Variants in SLC24A2 observed in about 807,000 individuals in gnomAD.
The protein encoded by SLC24A2 is solute carrier family 24 member 2.
SLC24A2 carries 36 observed loss-of-function variants against 62.0 expected under a neutral mutation model. That is an observed-to-expected ratio of 0.58 (90% CI 0.44 to 0.77). SLC24A2 has a LOEUF of 0.77. Ranked by LOEUF, SLC24A2 falls within the 30% of genes least tolerant of loss-of-function variation. SLC24A2 has a pLI of 0.00. For missense variants in SLC24A2, 846 were observed against 817.9 expected (o/e 1.03, Z -0.42); for synonymous variants, 358 against 294.0 (o/e 1.22, Z -2.23).
At chr9:19,550,022 G>A (rs900531344) in intron 8 of SLC24A2, 115 bp downstream of exon 8, 1 of 1,072,352 alleles carries the variant, frequency 9.3e-7, no homozygotes. Flanking sequence ...GTATATGTGA[G>A]ATTTTGATAC....
chr9:20,296,154 T>C, the SLC24A2 span, among the ~76,000 whole-genome samples: 4 of 152,204 alleles, frequency 2.6e-5, no homozygotes, highest in African/African-American at 4.8e-5. Flanking sequence ...AGCCAAGCAA[T>C]ATCCAGACTC....
At chr9:19,764,058 G>C (rs1036617870) in intron 2 of SLC24A2, among the ~76,000 whole-genome samples, 1 of 152,110 alleles carries the variant, frequency 6.6e-6, no homozygotes, top group Admixed American at 6.5e-5. Flanking sequence ...TATGTGTCCA[G>C]GAATTTATCC....
intron 4 of SLC24A2, among the ~76,000 whole-genome samples, chr9:19,600,954 T>A (rs1418369208): frequency 3.3e-5 from 5 of 152,190 alleles, no homozygotes; most frequent in African/African-American, 1.2e-4. Flanking sequence ...TTATGAGTAT[T>A]GTTTTGAGAA....
intron 2 of SLC24A2, among the ~76,000 whole-genome samples, chr9:19,641,108 A>T (rs1818480982): frequency 6.6e-6 from 1 of 152,222 alleles, no homozygotes; most frequent in Admixed American, 6.5e-5. Flanking sequence ...AGACCAAGTC[A>T]CCAAAGACCA....
At chr9:19,983,499 C>T in the SLC24A2 span, among the ~76,000 whole-genome samples, 3 of 151,998 alleles carry the variant, frequency 2.0e-5, no homozygotes, top group Non-Finnish European at 2.9e-5. Context: ...AAAAATTACC[C>T]GGGCATGGTG....
chr9:20,258,891 T>A, the SLC24A2 span, among the ~76,000 whole-genome samples: 1 of 151,690 alleles, frequency 6.6e-6, no homozygotes, highest in African/African-American at 2.4e-5. Context: ...CATCCATCCA[T>A]CCATCCATGC....
At chr9:19,852,047 A>G in the SLC24A2 span, among the ~76,000 whole-genome samples, 2 of 152,050 alleles carry the variant, frequency 1.3e-5, no homozygotes, top group Admixed American at 1.3e-4. Flanking sequence ...ATAGTATCTC[A>G]TTGTGGTTTT....
At chr9:20,035,908 TA>T in the SLC24A2 span, among the ~76,000 whole-genome samples, 1 of 152,232 alleles carries the variant, frequency 6.6e-6, no homozygotes, top group Non-Finnish European at 1.5e-5. Context: ...GCAGAACAGT[TA>T]TTCTTTGCCT....
At chr9:20,241,237 T>C in the SLC24A2 span, among the ~76,000 whole-genome samples, 1 of 152,214 alleles carries the variant, frequency 6.6e-6, no homozygotes, top group Non-Finnish European at 1.5e-5. Context: ...ATTACTCCCA[T>C]AGACTTATAT....
the SLC24A2 span, among the ~76,000 whole-genome samples, chr9:20,235,421 T>A: frequency 5.3e-5 from 8 of 152,212 alleles, no homozygotes; most frequent in Non-Finnish European, 1.5e-5. Flanking sequence ...AACAGCTAAC[T>A]CGGCAATGGC....
chr9:20,160,449 T>C, the SLC24A2 span, among the ~76,000 whole-genome samples: 2 of 151,388 alleles, frequency 1.3e-5, no homozygotes, highest in African/African-American at 4.8e-5. Flanking sequence ...ATCATAAATA[T>C]ATGTCAAGCA....
chr9:20,064,797 C>T, the SLC24A2 span, among the ~76,000 whole-genome samples: 1,885 of 152,256 alleles, frequency 0.012, 50 homozygotes, highest in African/African-American at 0.043. Context: ...GAATAAAAGG[C>T]ATACAATATG....
At chr9:20,236,536 G>C in the SLC24A2 span, among the ~76,000 whole-genome samples, 1 of 152,072 alleles carries the variant, frequency 6.6e-6, no homozygotes, top group Non-Finnish European at 1.5e-5. Flanking sequence ...TCTGTCGAAG[G>C]GATGTCTATT....
intron 8 of SLC24A2, among the ~76,000 whole-genome samples, chr9:19,530,654 A>G (rs1445376182): frequency 6.6e-6 from 1 of 152,218 alleles, no homozygotes; most frequent in Middle Eastern, 3.2e-3. Context: ...ACTAAATTCA[A>G]ATCAACATAC....
the SLC24A2 span, among the ~76,000 whole-genome samples, chr9:20,142,912 G>A: frequency 2.6e-5 from 4 of 152,146 alleles, no homozygotes; most frequent in South Asian, 6.2e-4. Context: ...TGTCTTATAC[G>A]ACCTGAAGAA....
At chr9:19,749,103 G>A (rs1247322146) in intron 2 of SLC24A2, among the ~76,000 whole-genome samples, 1 of 148,400 alleles carries the variant, frequency 6.7e-6, no homozygotes. Context: ...TCTAGATACC[G>A]ACCCAAGTTA....
intron 10 of SLC24A2, among the ~76,000 whole-genome samples, chr9:19,518,862 G>A (rs186779166): frequency 5.2e-4 from 79 of 152,218 alleles, no homozygotes; most frequent in Admixed American, 1.4e-3. Flanking sequence ...GTTGTCAGCT[G>A]GTATAAATTC....
At chr9:19,637,204 AT>A (rs1818380795) in intron 2 of SLC24A2, among the ~76,000 whole-genome samples, 1 of 152,226 alleles carries the variant, frequency 6.6e-6, no homozygotes, top group African/African-American at 2.4e-5. Context: ...AGCACAGAGC[AT>A]TTTACTCACA....
chr9:19,576,811 C>T lies in SLC24A2; in HGVS notation c.1228+113G>A, dbSNP rs1304969164. Reference sequence around the variant, plus strand: ...TCCTGTTGCACAGGGAAGGGCTGTGCTGCAGCGGTGTGTGTGTCTGCACTG... The same window carrying T: ...TCCTGTTGCACAGGGAAGGGCTGTGTTGCAGCGGTGTGTGTGTCTGCACTG... On this transcript the variant is annotated intron_variant, in intron 6 of 10. Transcript: ENST00000341998. The T allele has an allele frequency of 8.3e-5, 56 of 672,360 alleles. No homozygotes were observed. In the East Asian group the frequency reaches 1.1e-3, roughly 13 times the overall value. The allele number at this position is 672,360 out of a possible 1,614,324, so 41.6% of individuals were successfully genotyped here.
Sources: allele counts gnomAD v4.1 joint callset (sites outside exome capture counted in the v4.1 genomes callset), GRCh38; gene constraint gnomAD v4.1.1; transcripts MANE v1.5; gene names NCBI Gene and HGNC (gene_info 2026-07-23, HGNC 2026-07-21).